PDE1A: variants seen among roughly 807,000 people sequenced by gnomAD.
PDE1A encodes dual specificity calcium/calmodulin-dependent 3',5'-cyclic nucleotide phosphodiesterase 1A.
Under a neutral mutation model 61.7 loss-of-function variants are expected in PDE1A, and 35 were observed. That is an observed-to-expected ratio of 0.57 (90% CI 0.43 to 0.75). The LOEUF is 0.75. Ranked by LOEUF, PDE1A falls within the 30% of genes least tolerant of loss-of-function variation. The pLI, the probability that PDE1A is intolerant of heterozygous loss-of-function variation, is 0.00. For missense variants in PDE1A, 597 were observed against 630.6 expected (o/e 0.95, Z 0.57); for synonymous variants, 232 against 213.2 (o/e 1.09, Z -0.77).
chr2:182,323,071 C>T (rs1338622379), intron 1 of PDE1A, among the ~76,000 whole-genome samples: 1 of 152,072 alleles, frequency 6.6e-6, no homozygotes, highest in African/African-American at 2.4e-5. Context: ...TGTCTGCTGA[C>T]TTATTACAAA....
At chr2:182,391,292 T>A (rs1306683430) in intron 1 of PDE1A, among the ~76,000 whole-genome samples, 2 of 152,078 alleles carry the variant, frequency 1.3e-5, no homozygotes, top group Non-Finnish European at 2.9e-5. Context: ...AGAGGGCCCA[T>A]ATCTGCATTT....
At chr2:182,255,219 A>G (rs1264926990) in intron 2 of PDE1A, among the ~76,000 whole-genome samples, 1 of 152,204 alleles carries the variant, frequency 6.6e-6, no homozygotes, top group Non-Finnish European at 1.5e-5. Flanking sequence ...AGCCATCAAT[A>G]TTTTGGCCAT....
intron 10 of PDE1A, among the ~76,000 whole-genome samples, chr2:182,199,013 T>A (rs1452218236): frequency 6.6e-6 from 1 of 152,006 alleles, no homozygotes; most frequent in Admixed American, 6.6e-5. Flanking sequence ...AAGTACAAAT[T>A]CAACTTTTGA....
the PDE1A span, among the ~76,000 whole-genome samples, chr2:182,579,193 A>G: frequency 1.3e-5 from 2 of 152,210 alleles, no homozygotes; most frequent in Non-Finnish European, 2.9e-5. Flanking sequence ...GATTTAAGAA[A>G]TACTTATTAG....
At chr2:182,566,516 ATATT>A in the PDE1A span, among the ~76,000 whole-genome samples, 4 of 151,186 alleles carry the variant, frequency 2.6e-5, no homozygotes, top group South Asian at 6.2e-4. Flanking sequence ...TATATAATAT[ATATT>A]TATTATACAT....
At position 182,225,700 on chromosome 2, in the gene PDE1A, A is replaced by G. The variant is rs1003233317; in HGVS notation, c.676-1736T>C. Among the ~76,000 whole-genome samples, 10 of 150,824 alleles carry G rather than the reference A, an allele frequency of 6.6e-5. 2 individuals are homozygous for G. The highest frequency in any genetic ancestry group is 2.5e-4 in the African/African-American group (10 of 40,300). ...TTGGGTTAATGTATGCACTGCACCT[A>G]TCATGTCTTGTCATATGGTAAAATA... is the stretch of plus-strand genomic sequence containing the variant. On this transcript the variant is annotated intron_variant, in intron 6 of 13. Coordinates refer to ENST00000351439, the Ensembl canonical transcript of PDE1A.
chr2:182,649,692 C>A, the PDE1A span, among the ~76,000 whole-genome samples: 4 of 152,016 alleles, frequency 2.6e-5, no homozygotes, highest in African/African-American at 9.7e-5. Flanking sequence ...TTCACTGCAA[C>A]CTCTGCCTCC....
At chr2:182,446,641 G>T (rs907820234) in intron 2 of PDE1A, among the ~76,000 whole-genome samples, 4 of 152,110 alleles carry the variant, frequency 2.6e-5, no homozygotes, top group African/African-American at 9.6e-5. Context: ...TAACAAACTT[G>T]CTAATATTGT....
At chr2:182,507,642 T>C (rs1689496338) in intron 2 of PDE1A, among the ~76,000 whole-genome samples, 1 of 152,060 alleles carries the variant, frequency 6.6e-6, no homozygotes, top group Non-Finnish European at 1.5e-5. Flanking sequence ...ATACAGGAAA[T>C]CATGAATAAA....
At chr2:182,703,636 A>C in the PDE1A span, among the ~76,000 whole-genome samples, 1 of 152,188 alleles carries the variant, frequency 6.6e-6, no homozygotes, top group Non-Finnish European at 1.5e-5. Context: ...CCTGGGATCT[A>C]ATCAGTCCAG....
At chr2:182,268,543 T>C (rs935694614) in intron 1 of PDE1A, among the ~76,000 whole-genome samples, 2 of 152,054 alleles carry the variant, frequency 1.3e-5, no homozygotes, top group African/African-American at 4.8e-5. Flanking sequence ...CTGAGGGGTG[T>C]ATGACATGCA....
At chr2:182,599,153 C>T in the PDE1A span, among the ~76,000 whole-genome samples, 16 of 151,978 alleles carry the variant, frequency 1.1e-4, no homozygotes, top group African/African-American at 3.4e-4. Flanking sequence ...CCCAGGAAGG[C>T]CCCCCCTACC....
chr2:182,575,282 G>A, the PDE1A span, among the ~76,000 whole-genome samples: 1 of 151,848 alleles, frequency 6.6e-6, no homozygotes, highest in South Asian at 2.1e-4. Flanking sequence ...TGTATTCCAC[G>A]AATTCTCTTC....
chr2:182,169,506 A>G (rs1418720050), intron 13 of PDE1A, among the ~76,000 whole-genome samples: 1 of 152,106 alleles, frequency 6.6e-6, no homozygotes, highest in Non-Finnish European at 1.5e-5. Flanking sequence ...AAAAAAATCT[A>G]TAATACTCAA....
At chr2:182,676,749 G>A in the PDE1A span, among the ~76,000 whole-genome samples, 2 of 152,172 alleles carry the variant, frequency 1.3e-5, no homozygotes, top group African/African-American at 4.8e-5. Context: ...AAGATGCAAG[G>A]TTGGTTCAAC....
At chr2:182,214,105 G>C (rs942970515) in intron 7 of PDE1A, among the ~76,000 whole-genome samples, 2 of 149,416 alleles carry the variant, frequency 1.3e-5, no homozygotes, top group African/African-American at 2.5e-5. Context: ...GAGAGTGGGG[G>C]CCAATATTCA....
chr2:182,493,514 G>A (rs1330523853), intron 2 of PDE1A, among the ~76,000 whole-genome samples: 1 of 152,048 alleles, frequency 6.6e-6, no homozygotes, highest in Non-Finnish European at 1.5e-5. Context: ...TCCCACCTAT[G>A]AGTGAGAACA....
intron 2 of PDE1A, among the ~76,000 whole-genome samples, chr2:182,508,412 A>G (rs1689554099): frequency 6.6e-6 from 1 of 151,574 alleles, no homozygotes; most frequent in Admixed American, 6.6e-5. Flanking sequence ...AAAAGAAATA[A>G]AAGATATTCA....
chr2:182,499,180 T>TTTTTTTG (rs1424344389), intron 2 of PDE1A, among the ~76,000 whole-genome samples: 6,854 of 118,644 alleles, frequency 0.058, 1,035 homozygotes, highest in African/African-American at 0.23. Flanking sequence ...CTTGTTTTTT[T>TTTTTTTG]TTTTTTTTTT....
Sources: allele counts gnomAD v4.1 joint callset (sites outside exome capture counted in the v4.1 genomes callset), GRCh38; gene constraint gnomAD v4.1.1; transcripts MANE v1.5; gene names NCBI Gene and HGNC (gene_info 2026-07-23, HGNC 2026-07-21).